Variants in STS observed in about 807,000 individuals in gnomAD.
STS encodes the protein steryl-sulfatase.
STS carries 7 observed loss-of-function variants against 26.8 expected under a neutral mutation model. The ratio of observed to expected loss-of-function variants is 0.26; its 90% CI spans 0.15 to 0.49. STS has a LOEUF of 0.49. Ranked by LOEUF, STS falls within the 20% of genes least tolerant of loss-of-function variation. The pLI is 0.98. For missense variants in STS, 434 were observed against 465.6 expected (o/e 0.93, Z 0.63); for synonymous variants, 199 against 189.4 (o/e 1.05, Z -0.42).
chrX:7,333,100 C>T (rs182920613), intron 9 of STS, among the ~76,000 whole-genome samples: 9 of 112,142 alleles, frequency 8.0e-5, no homozygotes, highest in African/African-American at 2.3e-4. Flanking sequence ...AGTTTCTAAA[C>T]GCCTTGTAAC....
intron 2 of STS, among the ~76,000 whole-genome samples, chrX:7,249,825 T>G (rs1217286107): frequency 3.6e-5 from 4 of 111,178 alleles, no homozygotes; most frequent in Non-Finnish European, 7.6e-5. Flanking sequence ...TTCTAACCGA[T>G]ACTGTATTAC....
intron 2 of STS, among the ~76,000 whole-genome samples, chrX:7,248,811 A>G (rs971663810): frequency 5.4e-5 from 6 of 111,293 alleles, no homozygotes; most frequent in African/African-American, 1.3e-4. Flanking sequence ...CATCTCTAGA[A>G]TTCTTTTCAT....
chrX:7,279,979 G>C (rs1924781832), intron 7 of STS, among the ~76,000 whole-genome samples: 1 of 111,527 alleles, frequency 9.0e-6, no homozygotes. Context: ...ATTCATAATG[G>C]GTGAGCATGA....
At chrX:7,156,474 T>C (rs1933138564) in intron 1 of STS, among the ~76,000 whole-genome samples, 2 of 111,648 alleles carry the variant, frequency 1.8e-5, no homozygotes, top group African/African-American at 6.5e-5. Context: ...CACATTTCAA[T>C]TGAATATGTT....
At chrX:7,238,003 T>C (rs1050045614) in intron 2 of STS, among the ~76,000 whole-genome samples, 1 of 110,889 alleles carries the variant, frequency 9.0e-6, no homozygotes, top group Non-Finnish European at 1.9e-5. Flanking sequence ...GTTCCTGTTA[T>C]GTAAGCACAT....
chrX:7,287,662 A>T (rs1406508552), intron 7 of STS, among the ~76,000 whole-genome samples: 3 of 99,123 alleles, frequency 3.0e-5, no homozygotes, highest in African/African-American at 7.2e-5. Flanking sequence ...CTTTTTTAAA[A>T]TTTTTTTATT....
chrX:7,209,439 TATAA>T (rs1203753244), intron 2 of STS, among the ~76,000 whole-genome samples: 2 of 106,040 alleles, frequency 1.9e-5, no homozygotes, highest in Non-Finnish European at 3.9e-5. Context: ...TATTATATAG[TATAA>T]ATGTTTTATT....
intron 7 of STS, among the ~76,000 whole-genome samples, chrX:7,293,967 T>TA (rs1383990567): frequency 9.1e-6 from 1 of 110,228 alleles, no homozygotes; most frequent in Non-Finnish European, 1.9e-5. Flanking sequence ...AAAATAAATT[T>TA]AAAAAAAATA....
chrX:7,159,563 A>G (rs1317189135), intron 1 of STS, among the ~76,000 whole-genome samples: 2 of 112,118 alleles, frequency 1.8e-5, no homozygotes, highest in East Asian at 2.8e-4. Context: ...TCCTCAACAC[A>G]TGCTCCCTTT....
intron 6 of STS, among the ~76,000 whole-genome samples, chrX:7,271,091 CA>C (rs1448155107): frequency 1.8e-5 from 2 of 109,709 alleles, no homozygotes; most frequent in Non-Finnish European, 3.8e-5. Flanking sequence ...CTGGGCATTT[CA>C]ATCCATGCAA....
chrX:7,153,399 TTTCCTCCTGTC>T (rs1250945284), intron 1 of STS, among the ~76,000 whole-genome samples: 1 of 95,865 alleles, frequency 1.0e-5, no homozygotes. Context: ...CTTCCCTTCC[TTTCCTCCTGTC>T]TTCCTCCTGT....
chrX:7,301,633 G>T (rs1345994905), intron 7 of STS, among the ~76,000 whole-genome samples: 1 of 111,300 alleles, frequency 9.0e-6, no homozygotes, highest in African/African-American at 3.3e-5. Flanking sequence ...TTGGACAAAG[G>T]TATAATGGCA....
intron 1 of STS, among the ~76,000 whole-genome samples, chrX:7,151,936 T>G (rs1933020984): frequency 9.0e-6 from 1 of 111,413 alleles, no homozygotes; most frequent in Non-Finnish European, 1.9e-5. Context: ...AGGATTATTA[T>G]TATTATCGTT....
chrX:7,277,060 C>T (rs1924573704), intron 7 of STS, among the ~76,000 whole-genome samples: 2 of 111,182 alleles, frequency 1.8e-5, no homozygotes, highest in Admixed American at 1.9e-4. Context: ...TAGGGAAGGC[C>T]TTAGTGTGTG....
intron 2 of STS, among the ~76,000 whole-genome samples, chrX:7,203,499 A>C (rs1425702097): frequency 7.2e-5 from 8 of 111,645 alleles, no homozygotes; most frequent in Non-Finnish European, 1.5e-4. Flanking sequence ...CACTAGTAAA[A>C]ACTATCACAT....
intron 6 of STS, among the ~76,000 whole-genome samples, chrX:7,268,596 G>C (rs1421540073): frequency 8.9e-6 from 1 of 112,481 alleles, no homozygotes; most frequent in Non-Finnish European, 1.9e-5. Context: ...GACACACACA[G>C]ATGCTCATTC....
intron 1 of STS, among the ~76,000 whole-genome samples, chrX:7,187,312 T>C (rs1933791676): frequency 8.9e-6 from 1 of 112,263 alleles, no homozygotes; most frequent in South Asian, 3.7e-4. Context: ...CACAGTGGTT[T>C]TCAGTGCTTA....
chrX:7,321,700 G>A (rs770437264), intron 8 of STS, among the ~76,000 whole-genome samples: 6 of 112,181 alleles, frequency 5.3e-5, no homozygotes, highest in African/African-American at 9.7e-5. Context: ...CATTGGCTTC[G>A]TTCTCACTTA....
intron 3 of STS, among the ~76,000 whole-genome samples, chrX:7,254,577 C>CTTTTTTTTTTTTTTTTTTTTTT (rs34965003): frequency 5.5e-5 from 4 of 73,072 alleles, no homozygotes; most frequent in African/African-American, 1.1e-4. Flanking sequence ...TTTTCTTCTT[C>CTTTTTTTTTTTTTTTTTTTTTT]TTTTTTTTTT....
Sources: gnomAD v4.1 joint callset for allele counts (sites outside exome capture counted in the v4.1 genomes callset) on GRCh38, gnomAD v4.1.1 for gene constraint, MANE v1.5 for transcripts, NCBI Gene and HGNC (gene_info 2026-07-23, HGNC 2026-07-21) for gene names.